The following FNDC3B variants were observed in gnomAD, a reference collection of about 807,000 sequenced individuals.
FNDC3B encodes the protein fibronectin type III domain containing 3B, also known as fibronectin type III domain-containing protein 3B.
Under a neutral mutation model 151.5 loss-of-function variants are expected in FNDC3B, and 12 were observed. The ratio of observed to expected loss-of-function variants is 0.08; its 90% CI spans 0.05 to 0.13. FNDC3B has a LOEUF of 0.13. Among genes scored for constraint, FNDC3B ranks in the 10% least tolerant of loss-of-function variants. The probability of loss-of-function intolerance (pLI) is 1.00; values close to 1 mark genes in which losing one functional copy is unlikely to be tolerated. For synonymous variants in FNDC3B, 528 were observed against 549.0 expected, an observed-to-expected ratio of 0.96 and a Z score of 0.54; for missense variants, 1,214 against 1,505.3, an observed-to-expected ratio of 0.81 and a Z score of 3.20.
At chr3:172,109,650 A>G (rs1719862069) in intron 1 of FNDC3B, among the ~76,000 whole-genome samples, 1 of 152,150 alleles carries the variant, frequency 6.6e-6, no homozygotes, top group Non-Finnish European at 1.5e-5. Flanking sequence ...TGATGTTCAT[A>G]TGTTCCCACT....
chr3:172,049,917 T>C (rs1014490348), intron 1 of FNDC3B, among the ~76,000 whole-genome samples: 1 of 152,252 alleles, frequency 6.6e-6, no homozygotes, highest in Non-Finnish European at 1.5e-5. Context: ...AAGTCATCTC[T>C]GTACTCATGT....
At chr3:172,287,730 C>A (rs1730102474) in intron 7 of FNDC3B, among the ~76,000 whole-genome samples, 1 of 152,170 alleles carries the variant, frequency 6.6e-6, no homozygotes, top group Non-Finnish European at 1.5e-5. Context: ...GTGACAGAAT[C>A]TCTGTTTCTT....
intron 4 of FNDC3B, among the ~76,000 whole-genome samples, chr3:172,240,090 C>CT (rs1560034388): frequency 6.6e-6 from 1 of 152,002 alleles, no homozygotes; most frequent in East Asian, 1.9e-4. Flanking sequence ...CCAGGATGGT[C>CT]TTGATCTCCT....
intron 21 of FNDC3B, among the ~76,000 whole-genome samples, chr3:172,348,643 A>C (rs551919520): frequency 6.6e-6 from 1 of 152,286 alleles, no homozygotes; most frequent in African/African-American, 2.4e-5. Flanking sequence ...ATGTTATTAT[A>C]TCTCCTTCTC....
intron 3 of FNDC3B, among the ~76,000 whole-genome samples, chr3:172,175,383 C>T (rs777281626): frequency 2.0e-5 from 3 of 152,070 alleles, no homozygotes; most frequent in African/African-American, 7.2e-5. Context: ...GGTAGGTAGG[C>T]GGATGGGCGG....
At chr3:172,179,304 T>C (rs1723763407) in intron 3 of FNDC3B, among the ~76,000 whole-genome samples, 1 of 152,144 alleles carries the variant, frequency 6.6e-6, no homozygotes. Context: ...TCAGGTGATC[T>C]GCCCGCCTTG....
intron 1 of FNDC3B, among the ~76,000 whole-genome samples, chr3:172,055,982 C>A (rs1210232405): frequency 2.6e-5 from 4 of 152,098 alleles, no homozygotes; most frequent in Non-Finnish European, 5.9e-5. Flanking sequence ...GGGGTTTCAC[C>A]ATGTTAGCCA....
At chr3:172,315,183 C>A (rs988293278) in intron 11 of FNDC3B, among the ~76,000 whole-genome samples, 1 of 152,126 alleles carries the variant, frequency 6.6e-6, no homozygotes, top group African/African-American at 2.4e-5. Flanking sequence ...TCGAGACCAG[C>A]CTGGGCAACA....
At chr3:172,151,250 G>A (rs988761286) in intron 3 of FNDC3B, among the ~76,000 whole-genome samples, 2 of 152,136 alleles carry the variant, frequency 1.3e-5, no homozygotes, top group Non-Finnish European at 2.9e-5. Context: ...TACCACTTCC[G>A]TGTGTTCTGC....
At chr3:172,131,932 A>G (rs1721127104) in intron 2 of FNDC3B, among the ~76,000 whole-genome samples, 1 of 152,174 alleles carries the variant, frequency 6.6e-6, no homozygotes, top group Non-Finnish European at 1.5e-5. Flanking sequence ...TATTGAGCAC[A>G]TAACTTATTC....
At chr3:172,326,581 A>G (rs1188579172) in intron 11 of FNDC3B, among the ~76,000 whole-genome samples, 1 of 152,174 alleles carries the variant, frequency 6.6e-6, no homozygotes, top group Non-Finnish European at 1.5e-5. Flanking sequence ...CACTGGCGCC[A>G]TTTTTACTTC....
At chr3:172,214,012 G>T (rs1301961198) in intron 3 of FNDC3B, among the ~76,000 whole-genome samples, 2 of 139,756 alleles carry the variant, frequency 1.4e-5, no homozygotes, top group African/African-American at 5.4e-5. Context: ...ATGGTGCCGC[G>T]CCATAAAGCA....
chr3:172,168,325 C>T (rs1286609150), intron 3 of FNDC3B, among the ~76,000 whole-genome samples: 1 of 152,158 alleles, frequency 6.6e-6, no homozygotes, highest in Non-Finnish European at 1.5e-5. Flanking sequence ...AAGACTCTAC[C>T]AGATTAGCCC....
intron 7 of FNDC3B, among the ~76,000 whole-genome samples, chr3:172,289,310 T>C (rs923267685): frequency 2.0e-5 from 3 of 152,164 alleles, no homozygotes; most frequent in Admixed American, 6.5e-5. Flanking sequence ...CTCTTTCACT[T>C]ATAAGGACCC....
At chr3:172,315,474 G>A (rs530808333) in intron 11 of FNDC3B, among the ~76,000 whole-genome samples, 1 of 152,356 alleles carries the variant, frequency 6.6e-6, no homozygotes, top group East Asian at 1.9e-4. Flanking sequence ...TATTACTTGA[G>A]AAGGTGTGGC....
intron 3 of FNDC3B, among the ~76,000 whole-genome samples, chr3:172,216,724 T>G (rs1195958904): frequency 6.6e-6 from 1 of 152,218 alleles, no homozygotes; most frequent in African/African-American, 2.4e-5. Flanking sequence ...GTTGTTTATT[T>G]GTAGCCTAAG....
At chr3:172,257,056 A>G (rs7637779) in intron 6 of FNDC3B, among the ~76,000 whole-genome samples, 89,499 of 151,790 alleles carry the variant, frequency 0.59, 28,177 homozygotes, top group African/African-American at 0.84. Context: ...GATTACAGGC[A>G]CCTGCCACCA....
rs1167260393 is a variant in FNDC3B, at chr3:172,272,583, GA to G, written c.791-13341del. Among the ~76,000 whole-genome samples, 5 of 152,266 alleles carry G rather than the reference GA, an allele frequency of 3.3e-5. No homozygotes were observed. The South Asian group carries it at 1.0e-3, about 32-fold the overall frequency. ...TATGTTGCTTTTTACATGTTTTAGG[GA>G]ATTTTTAGATTCACATTTCAGGAGA... On this transcript the variant is annotated intron_variant, in intron 6 of 25. Coordinates refer to ENST00000415807, the MANE Select transcript of FNDC3B (RefSeq NM_022763.4).
At chr3:172,157,047 CA>C (rs1252038214) in intron 3 of FNDC3B, among the ~76,000 whole-genome samples, 2 of 152,174 alleles carry the variant, frequency 1.3e-5, no homozygotes, top group Non-Finnish European at 2.9e-5. Flanking sequence ...CTTAATTATA[CA>C]AGCAGTGTCA....
Sources: allele counts gnomAD v4.1 joint callset (sites outside exome capture counted in the v4.1 genomes callset), GRCh38; gene constraint gnomAD v4.1.1; transcripts MANE v1.5; gene names NCBI Gene and HGNC (gene_info 2026-07-23, HGNC 2026-07-21).